Variants in TRPM3 observed in about 807,000 individuals in gnomAD.
TRPM3 encodes transient receptor potential cation channel subfamily M member 3.
TRPM3 carries 77 observed loss-of-function variants against 181.2 expected under a neutral mutation model. The ratio of observed to expected loss-of-function variants is 0.42; its 90% CI spans 0.35 to 0.51. TRPM3 has a LOEUF of 0.51. Ranked by LOEUF, TRPM3 falls within the 20% of genes least tolerant of loss-of-function variation. The pLI, the probability that TRPM3 is intolerant of heterozygous loss-of-function variation, is 0.01. For missense variants in TRPM3, 1,759 were observed against 2,196.7 expected, an observed-to-expected ratio of 0.80 and a Z score of 3.98; for synonymous variants, 745 against 796.4, an observed-to-expected ratio of 0.94 and a Z score of 1.09.
At chr9:70,685,794 T>C (rs899336359) in intron 8 of TRPM3, among the ~76,000 whole-genome samples, 4 of 152,182 alleles carry the variant, frequency 2.6e-5, no homozygotes, top group Non-Finnish European at 5.9e-5. Context: ...GTTCTTTTCA[T>C]AGAATCTTAA....
intron 1 of TRPM3, among the ~76,000 whole-genome samples, chr9:71,313,748 T>A (rs62544219): frequency 0.19 from 29,653 of 152,088 alleles, 3,454 homozygotes; most frequent in African/African-American, 0.32. Flanking sequence ...CCATCTGACC[T>A]GAAGGATATT....
intron 1 of TRPM3, among the ~76,000 whole-genome samples, chr9:71,086,090 T>C (rs2065208953): frequency 6.6e-6 from 1 of 151,954 alleles, no homozygotes; most frequent in Non-Finnish European, 1.5e-5. Flanking sequence ...AGCAAATGAA[T>C]GCAGGAACAG....
chr9:71,058,481 G>T (rs992508517), intron 1 of TRPM3, among the ~76,000 whole-genome samples: 10 of 152,042 alleles, frequency 6.6e-5, no homozygotes, highest in Admixed American at 5.2e-4. Context: ...ACAGATTTCA[G>T]AAATGGAGAG....
chr9:70,854,352 G>A (rs2095328586), intron 3 of TRPM3, among the ~76,000 whole-genome samples: 1 of 152,182 alleles, frequency 6.6e-6, no homozygotes, highest in Non-Finnish European at 1.5e-5. Flanking sequence ...GGCAATTTGA[G>A]CATCCTCTGT....
At chr9:71,032,701 C>T (rs183454107) in intron 1 of TRPM3, among the ~76,000 whole-genome samples, 45 of 152,214 alleles carry the variant, frequency 3.0e-4, no homozygotes, top group Middle Eastern at 3.4e-3. Context: ...TAGAGGTAGA[C>T]AATTTCTAGT....
chr9:71,195,185 G>A (rs927524377), intron 1 of TRPM3, among the ~76,000 whole-genome samples: 1 of 151,998 alleles, frequency 6.6e-6, no homozygotes, highest in South Asian at 2.1e-4. Context: ...AAGAGCTTCC[G>A]CACAGCAAAA....
At chr9:71,299,399 G>C (rs1252233607) in intron 1 of TRPM3, among the ~76,000 whole-genome samples, 1 of 151,898 alleles carries the variant, frequency 6.6e-6, no homozygotes, top group Non-Finnish European at 1.5e-5. Flanking sequence ...TACTATATCT[G>C]TATTAATATT....
intron 1 of TRPM3, among the ~76,000 whole-genome samples, chr9:71,154,363 G>C (rs534380671): frequency 6.6e-6 from 1 of 152,174 alleles, no homozygotes; most frequent in Admixed American, 6.5e-5. Flanking sequence ...AGAGCATGTA[G>C]CTAGGAGGCA....
In TRPM3 at chr9:70,553,152, C is replaced by G; in HGVS notation, c.3374+8G>C. Reference sequence around the variant, plus strand: ...ATCCATCCCACGTGCTCCAAAGGACCCACTTACTTAAAGACAGCAATGAGG... The same window carrying G: ...ATCCATCCCACGTGCTCCAAAGGACGCACTTACTTAAAGACAGCAATGAGG... On this transcript the variant is annotated splice_region_variant and intron_variant, in intron 23 of 25. Transcript: ENST00000677713. 1 of 1,614,124 alleles carries G rather than the reference C, an allele frequency of 6.2e-7. No individual in the cohort carries two copies. The highest frequency in any genetic ancestry group is 8.5e-7 in the Non-Finnish European group (1 of 1,180,024).
chr9:70,866,672 G>T (rs1222038327), intron 1 of TRPM3, among the ~76,000 whole-genome samples: 1 of 152,028 alleles, frequency 6.6e-6, no homozygotes, highest in Non-Finnish European at 1.5e-5. Flanking sequence ...GAACCCACAA[G>T]CCCTGGCTGG....
chr9:70,818,479 C>T (rs1448144367), intron 6 of TRPM3, among the ~76,000 whole-genome samples: 1 of 152,174 alleles, frequency 6.6e-6, no homozygotes, highest in Non-Finnish European at 1.5e-5. Context: ...TTGCCTCTCC[C>T]CAAAGTCAGC....
At chr9:70,998,229 A>ACG (rs201260368) in intron 1 of TRPM3, among the ~76,000 whole-genome samples, 2 of 46,244 alleles carry the variant, frequency 4.3e-5, no homozygotes, top group Non-Finnish European at 1.1e-4. Flanking sequence ...ATATACATAT[A>ACG]CACACACACA....
chr9:71,288,183 AT>A (rs1235627242), intron 1 of TRPM3, among the ~76,000 whole-genome samples: 2 of 151,216 alleles, frequency 1.3e-5, no homozygotes, highest in African/African-American at 4.9e-5. Flanking sequence ...TATTAAATAT[AT>A]TTTTAACTTA....
chr9:71,210,334 G>T (rs2079412337), intron 1 of TRPM3, among the ~76,000 whole-genome samples: 1 of 152,088 alleles, frequency 6.6e-6, no homozygotes, highest in Non-Finnish European at 1.5e-5. Flanking sequence ...CTACATTCTG[G>T]TGAGTTGTAT....
chr9:71,109,574 G>A (rs2070570864), intron 1 of TRPM3, among the ~76,000 whole-genome samples: 1 of 152,012 alleles, frequency 6.6e-6, no homozygotes, highest in Non-Finnish European at 1.5e-5. Flanking sequence ...AAGACACTAA[G>A]ACTCAGAAAA....
At chr9:70,910,264 A>C (rs898221802) in intron 1 of TRPM3, among the ~76,000 whole-genome samples, 2 of 152,218 alleles carry the variant, frequency 1.3e-5, no homozygotes, top group Non-Finnish European at 2.9e-5. Context: ...ATTCTCATCA[A>C]CATAATGTTA....
intron 6 of TRPM3, among the ~76,000 whole-genome samples, chr9:70,813,602 A>C (rs62545993): frequency 0.03 from 4,542 of 152,236 alleles, 92 homozygotes; most frequent in Middle Eastern, 0.058. Context: ...AAACCTCAGC[A>C]TCATGCAATA....
chr9:70,810,401 C>T (rs886215236), intron 6 of TRPM3, among the ~76,000 whole-genome samples: 1 of 150,228 alleles, frequency 6.7e-6, no homozygotes, highest in Non-Finnish European at 1.5e-5. Flanking sequence ...CCCCACCCTC[C>T]TCTCCATCGC....
chr9:70,856,976 T>C (rs1272910041), intron 3 of TRPM3, among the ~76,000 whole-genome samples: 1 of 152,200 alleles, frequency 6.6e-6, no homozygotes, highest in Non-Finnish European at 1.5e-5. Flanking sequence ...ATGTAAGGTG[T>C]GAGCCCCAGA....
Sources: allele counts gnomAD v4.1 joint callset (sites outside exome capture counted in the v4.1 genomes callset), GRCh38; gene constraint gnomAD v4.1.1; transcripts MANE v1.5; gene names NCBI Gene and HGNC (gene_info 2026-07-23, HGNC 2026-07-21).